Variants in HEMK2 observed in about 807,000 individuals in gnomAD.
The protein encoded by HEMK2 is methyltransferase HEMK2.
chr21:28,811,916 T>C, the HEMK2 span, among the ~76,000 whole-genome samples: 6 of 152,204 alleles, frequency 3.9e-5, no homozygotes, highest in South Asian at 4.1e-4. Context: ...ATAAAATTCA[T>C]CCGTTCTTTA....
chr21:28,797,347 G>A, the HEMK2 span, among the ~76,000 whole-genome samples: 1 of 151,542 alleles, frequency 6.6e-6, no homozygotes, highest in Admixed American at 6.6e-5. Flanking sequence ...TGTAATCCCA[G>A]AACTTTGGGA....
chr21:28,885,313 G>C, the HEMK2 span: 1 of 1,587,684 alleles, frequency 6.3e-7, no homozygotes, highest in Non-Finnish European at 8.6e-7. Flanking sequence ...CCACGTGCCC[G>C]TGGAACGGCG....
chr21:28,677,705 G>C, the HEMK2 span, among the ~76,000 whole-genome samples: 154 of 152,298 alleles, frequency 1.0e-3, no homozygotes, highest in African/African-American at 3.5e-3. Context: ...AAAACTTCCA[G>C]AGGAACAATC....
the HEMK2 span, among the ~76,000 whole-genome samples, chr21:28,770,947 C>G: frequency 1.3e-5 from 2 of 152,102 alleles, no homozygotes; most frequent in African/African-American, 4.8e-5. Flanking sequence ...TGAGTCAGTA[C>G]CAAATGCTGT....
chr21:28,881,562 G>C, the HEMK2 span, among the ~76,000 whole-genome samples: 1 of 151,560 alleles, frequency 6.6e-6, no homozygotes, highest in Admixed American at 6.6e-5. Flanking sequence ...GAAGTTCAGA[G>C]ATAAGAAAAA....
chr21:28,684,458 G>A, the HEMK2 span, among the ~76,000 whole-genome samples: 2 of 152,034 alleles, frequency 1.3e-5, no homozygotes, highest in Non-Finnish European at 2.9e-5. Flanking sequence ...ACCTAATTTC[G>A]AGTCTGTCAT....
At chr21:28,771,988 A>T in the HEMK2 span, among the ~76,000 whole-genome samples, 1 of 152,092 alleles carries the variant, frequency 6.6e-6, no homozygotes, top group East Asian at 1.9e-4. Context: ...AATGAAGACA[A>T]CAAACCTGTA....
At chr21:28,692,840 C>T in the HEMK2 span, among the ~76,000 whole-genome samples, 1 of 152,090 alleles carries the variant, frequency 6.6e-6, no homozygotes, top group Non-Finnish European at 1.5e-5. Context: ...AAAAAGTATA[C>T]ACTACAACAT....
chr21:28,697,747 G>T, the HEMK2 span, among the ~76,000 whole-genome samples: 2 of 120,440 alleles, frequency 1.7e-5, no homozygotes, highest in Admixed American at 2.1e-4. Context: ...CTGTCTCCAG[G>T]CTTCTTGTAC....
At chr21:28,779,818 G>C in the HEMK2 span, among the ~76,000 whole-genome samples, 2 of 152,092 alleles carry the variant, frequency 1.3e-5, no homozygotes, top group Non-Finnish European at 2.9e-5. Context: ...ACTCACCTGA[G>C]ACTTAGCTCC....
the HEMK2 span, among the ~76,000 whole-genome samples, chr21:28,686,217 GTTT>G: frequency 6.6e-6 from 1 of 151,910 alleles, no homozygotes; most frequent in East Asian, 1.9e-4. Flanking sequence ...TTGTTTTTTT[GTTT>G]TTGTTGTTGT....
the HEMK2 span, among the ~76,000 whole-genome samples, chr21:28,703,458 CCAGATGT>C: frequency 6.6e-6 from 1 of 152,104 alleles, no homozygotes; most frequent in Admixed American, 6.5e-5. Flanking sequence ...TCATTAAGCA[CCAGATGT>C]CAGGCACCAC....
the HEMK2 span, among the ~76,000 whole-genome samples, chr21:28,591,456 G>GA: frequency 2.7e-5 from 4 of 150,902 alleles, no homozygotes; most frequent in Middle Eastern, 3.5e-3. Flanking sequence ...CGTCAAGTGA[G>GA]AAAAAAAAAT....
At chr21:28,806,134 TTCCAGGAATTACGTC>T in the HEMK2 span, among the ~76,000 whole-genome samples, 1 of 152,202 alleles carries the variant, frequency 6.6e-6, no homozygotes, top group African/African-American at 2.4e-5. Context: ...TGAGTGTGTT[TTCCAGGAATTACGTC>T]TCCAGTGCCC....
the HEMK2 span, among the ~76,000 whole-genome samples, chr21:28,658,002 GT>G: frequency 6.6e-6 from 1 of 152,066 alleles, no homozygotes. Flanking sequence ...TTGAATGGTA[GT>G]TCTGTGAATT....
the HEMK2 span, among the ~76,000 whole-genome samples, chr21:28,742,102 T>C: frequency 6.6e-6 from 1 of 152,160 alleles, no homozygotes; most frequent in African/African-American, 2.4e-5. Context: ...AACACAGCCA[T>C]GCCTGTTTGT....
At chr21:28,671,253 C>T in the HEMK2 span, 12 of 152,050 alleles carry the variant, frequency 7.9e-5, no homozygotes, top group African/African-American at 2.9e-4. Context: ...ATCACGTCTT[C>T]GAAAGAAAGT....
chr21:28,596,025 C>G, the HEMK2 span, among the ~76,000 whole-genome samples: 3 of 151,062 alleles, frequency 2.0e-5, no homozygotes, highest in Non-Finnish European at 2.9e-5. Flanking sequence ...ACCTCATGAT[C>G]TGCCCGCCTT....
chr21:28,800,191 T>G, the HEMK2 span, among the ~76,000 whole-genome samples: 1 of 152,168 alleles, frequency 6.6e-6, no homozygotes, highest in South Asian at 2.1e-4. Context: ...TGCTTCCAAG[T>G]GGGCCCCTTT....
Sources: gnomAD v4.1 joint callset for allele counts (sites outside exome capture counted in the v4.1 genomes callset) on GRCh38, gnomAD v4.1.1 for gene constraint, MANE v1.5 for transcripts, NCBI Gene and HGNC (gene_info 2026-07-23, HGNC 2026-07-21) for gene names.